CCDC174: variants seen among roughly 807,000 people sequenced by gnomAD.
The protein encoded by CCDC174 is coiled-coil domain containing 174, also known as coiled-coil domain-containing protein 174.
Under a neutral mutation model 57.1 loss-of-function variants are expected in CCDC174, and 37 were observed. The observed-to-expected ratio is 0.65, with a 90% CI of 0.50 to 0.85. CCDC174 has a LOEUF of 0.85. Ranked by LOEUF, CCDC174 falls within the 40% of genes least tolerant of loss-of-function variation. CCDC174 has a pLI of 0.00. For synonymous variants in CCDC174, 182 were observed against 190.2 expected, an observed-to-expected ratio of 0.96 and a Z score of 0.35; for missense variants, 540 against 574.3, an observed-to-expected ratio of 0.94 and a Z score of 0.61.
At chr3:14,653,205 G>A (rs919354955) in intron 1 of CCDC174, among the ~76,000 whole-genome samples, 10 of 152,186 alleles carry the variant, frequency 6.6e-5, no homozygotes, top group Admixed American at 5.9e-4. Flanking sequence ...ATACTGACAG[G>A]TTAGCAGTAA....
At position 14,672,644 on chromosome 3, in the gene CCDC174, C is replaced by A. The variant is rs2031557231; in HGVS notation, c.*1450C>A. The A allele has an allele frequency of 6.6e-6, 1 of 152,184 alleles. No homozygotes were observed. The highest frequency in any genetic ancestry group is 2.4e-5 in the African/African-American group (1 of 41,432). 9.4% of individuals were successfully genotyped at this position (152,184 alleles called of 1,614,324 possible). On this transcript the variant is annotated 3_prime_UTR_variant, in exon 11 of 11. Transcript: ENST00000383794. Reference sequence around the variant, plus strand: ...GTAATTGCTTTTTTTAATAAATACACATAAAAACCAACTAACCCAGCTGCC... The same window carrying A: ...GTAATTGCTTTTTTTAATAAATACAAATAAAAACCAACTAACCCAGCTGCC...
chr3:14,669,681 C>T (rs903643197), intron 9 of CCDC174, among the ~76,000 whole-genome samples: 5 of 152,160 alleles, frequency 3.3e-5, no homozygotes, highest in African/African-American at 1.2e-4. Flanking sequence ...CACTTTCTAC[C>T]TGTGTACCAT....
chr3:14,660,276 C>T (rs111356154), intron 4 of CCDC174, among the ~76,000 whole-genome samples: 2,508 of 152,286 alleles, frequency 0.016, 31 homozygotes, highest in African/African-American at 0.039. Flanking sequence ...GAGGCCGAGG[C>T]GGGTGGATCA....
At chr3:14,665,237 A>ATATT in intron 6 of CCDC174, 114 bp downstream of exon 6, 2 of 603,924 alleles carry the variant, frequency 3.3e-6, no homozygotes, top group East Asian at 2.9e-5. Flanking sequence ...CAGTAAGGAG[A>ATATT]TATTGATTGA....
rs539161166 is a variant in CCDC174 at position 14,668,035 on chromosome 3, G to C, written c.820-14G>C. 70 of 1,548,178 alleles carry C rather than the reference G, an allele frequency of 4.5e-5. No individual in the cohort carries two copies. The East Asian group carries it at 1.5e-3, about 33-fold the overall frequency. ...TTTGGCTTCAAGCAAATAATTTTCT[G>C]ATTTTCTGTTCAGACAACAGATCAG... On this transcript the variant is annotated splice_polypyrimidine_tract_variant and intron_variant, in intron 8 of 10. Transcript: ENST00000383794.
At position 14,654,493 on chromosome 3, in the gene CCDC174, A is replaced by G. The variant is rs766330435; in HGVS notation, c.110A>G (p.Asp37Gly). The G allele has an allele frequency of 1.2e-6, 2 of 1,606,018 alleles. No homozygotes were observed. The highest frequency in any genetic ancestry group is 1.7e-5 in the Admixed American group (1 of 59,078). ...EEFKQEKLLK[D>G]SGVFGKPKTT... is the part of the protein sequence containing the mutation. ...TTCAAACAAGAAAAACTTCTAAAAG[A>G]TTCTGGAGTTTTTGGAAAACCAAAA... Residue 37 changes from aspartate (D) to glycine (G), a missense_variant, in exon 2 of 11, where the codon GAT becomes GGT. Transcript: ENST00000383794.
At chr3:14,663,254 G>T (rs578194482) in intron 5 of CCDC174, among the ~76,000 whole-genome samples, 1 of 152,216 alleles carries the variant, frequency 6.6e-6, no homozygotes, top group South Asian at 2.1e-4. Context: ...CAATCCTCCT[G>T]CCTGGGCCTC....
chr3:14,653,324 G>A (rs576080476), intron 1 of CCDC174, among the ~76,000 whole-genome samples: 98 of 152,316 alleles, frequency 6.4e-4, no homozygotes, highest in Non-Finnish European at 1.1e-3. Context: ...GTGTGGTTAA[G>A]TAAGCTTAGA....
intron 9 of CCDC174, among the ~76,000 whole-genome samples, chr3:14,668,674 C>T (rs558452768): frequency 8.5e-6 from 1 of 117,392 alleles, no homozygotes; most frequent in South Asian, 3.8e-4. Context: ...CTTGGAAACA[C>T]TGTTAAATGC....
At chr3:14,653,590 A>C (rs919330333) in intron 1 of CCDC174, among the ~76,000 whole-genome samples, 2 of 152,228 alleles carry the variant, frequency 1.3e-5, no homozygotes, top group Non-Finnish European at 2.9e-5. Context: ...TTAAAAAGGA[A>C]ACTGTTGTTA....
intron 3 of CCDC174, among the ~76,000 whole-genome samples, chr3:14,657,261 A>G (rs2030988277): frequency 6.6e-6 from 1 of 152,212 alleles, no homozygotes. Flanking sequence ...AGAGCTCAGA[A>G]CACGCAAGCA....
rs773960569 is a variant in CCDC174 at position 14,666,932 on chromosome 3, G to A, written c.709G>A (p.Asp237Asn). 2.5e-6 allele frequency: 4 copies of A among 1,578,686 alleles called. No individual in the cohort carries two copies. The highest frequency in any genetic ancestry group is 3.4e-6 in the Non-Finnish European group (4 of 1,170,014). The change falls in exon 7 of 11, where the codon GAC becomes AAC. Residue 237 changes from aspartate (D) to asparagine (N), a missense_variant. By Grantham distance (23) the Asp-to-Asn change is conservative. Coordinates refer to ENST00000383794, the MANE Select transcript of CCDC174 (RefSeq NM_016474.5). ...GCCCATGGGGCCCGTACATTATGAA[G>A]ACATTCGGGAAAATGGTATGACTAT... ...KRPMGPVHYE[D>N]IRENEARQLG...
intron 4 of CCDC174, among the ~76,000 whole-genome samples, chr3:14,660,446 G>T (rs1156871246): frequency 6.6e-6 from 1 of 152,242 alleles, no homozygotes; most frequent in Non-Finnish European, 1.5e-5. Context: ...GGAGGTTGCA[G>T]TGAGCCAAGA....
chr3:14,667,368 G>A (rs1490282127), intron 7 of CCDC174, 56 bp from the exon 8 acceptor site: 32 of 1,306,614 alleles, frequency 2.4e-5, no homozygotes, highest in Admixed American at 5.1e-5. Context: ...TGTGGCTTGA[G>A]TGTAGTTGAA....
rs368635335 is a variant in CCDC174, at chr3:14,671,133, C to T, written c.1343C>T (p.Ala448Val). Reference protein sequence around the residue: ...PTPAPDNPPQAPTVTFKTLDD... With the variant: ...PTPAPDNPPQVPTVTFKTLDD... ...CCTGCCCCCGACAACCCACCACAAG[C>T]CCCCACAGTTACTTTCAAAACTCTG... The change falls in exon 11 of 11, where the codon GCC (alanine) becomes GTC (valine). Residue 448 changes from alanine to valine, a missense_variant. By Grantham distance (64) the Ala-to-Val change is moderately conservative (BLOSUM62 0). Transcript: ENST00000383794. 3 of 1,614,016 alleles carry T rather than the reference C, an allele frequency of 1.9e-6. No individual in the cohort carries two copies. The highest frequency in any genetic ancestry group is 2.5e-6 in the Non-Finnish European group (3 of 1,179,964).
chr3:14,657,793 G>A (rs2031008078), intron 3 of CCDC174, among the ~76,000 whole-genome samples: 1 of 152,124 alleles, frequency 6.6e-6, no homozygotes, highest in Non-Finnish European at 1.5e-5. Context: ...TCCTCCTGTG[G>A]TTGGCTGCTT....
At chr3:14,669,820 G>T in intron 9 of CCDC174, 114 bp from the exon 10 acceptor site, 1 of 977,026 alleles carries the variant, frequency 1.0e-6, no homozygotes, top group East Asian at 2.6e-5. Flanking sequence ...GGACATGTTA[G>T]GTACTTCATA....
At position 14,671,208 on chromosome 3, in the gene CCDC174, G is replaced by T. The variant is rs377162756; in HGVS notation, c.*14G>T. On this transcript the variant is annotated 3_prime_UTR_variant, in exon 11 of 11. Coordinates refer to ENST00000383794, the MANE Select transcript of CCDC174 (RefSeq NM_016474.5). The stretch of plus-strand genomic sequence containing the variant: ...CAAGTGACATGATCTTTCAAAGCAC[G>T]CTGACTTGGGTTTGTACTTTGACAG... 10 of 1,595,378 alleles carry T rather than the reference G, an allele frequency of 6.3e-6. No homozygotes were observed. In the African/African-American group the frequency reaches 1.3e-4, roughly 21 times the overall value.
chr3:14,654,820 A>G lies in CCDC174; in HGVS notation c.147+290A>G, dbSNP rs191182867. Among the ~76,000 whole-genome samples the G allele has an allele frequency of 8.5e-4, 129 of 152,366 alleles. 1 individual carries two copies. Among genetic ancestry groups the G allele is most frequent in the African/African-American group, 3.0e-3 (124 of 41,582 alleles). On this transcript the variant is annotated intron_variant, in intron 2 of 10. Transcript: ENST00000383794. ...TGGTTCTATAAGTGTTAGGTATCCA[A>G]ATAGAGATAAACAATTAGATAATAT...
Sources: gnomAD v4.1 joint callset for allele counts (sites outside exome capture counted in the v4.1 genomes callset) on GRCh38, gnomAD v4.1.1 for gene constraint, MANE v1.5 for transcripts, NCBI Gene and HGNC (gene_info 2026-07-23, HGNC 2026-07-21) for gene names.